The following DAB1 variants were observed in gnomAD, a reference collection of about 807,000 sequenced individuals.
The protein encoded by DAB1 is disabled homolog 1.
A neutral mutation model predicts 64.6 loss-of-function variants in DAB1; 15 were observed. That is an observed-to-expected ratio of 0.23 (90% CI 0.16 to 0.36). The LOEUF is 0.36. Ranked by LOEUF, DAB1 falls within the 10% of genes least tolerant of loss-of-function variation. The pLI, the probability that DAB1 is intolerant of heterozygous loss-of-function variation, is 1.00. For synonymous variants in DAB1, 235 were observed against 251.9 expected (o/e 0.93, Z 0.64); for missense variants, 596 against 706.7 (o/e 0.84, Z 1.78).
intron 3 of DAB1, among the ~76,000 whole-genome samples, chr1:57,140,054 A>G (rs1278305368): frequency 6.6e-6 from 1 of 152,196 alleles, no homozygotes; most frequent in Non-Finnish European, 1.5e-5. Flanking sequence ...CAGTGCCTTC[A>G]GGACACTGAC....
At chr1:57,321,036 G>C (rs747255745) in intron 1 of DAB1, among the ~76,000 whole-genome samples, 2 of 152,080 alleles carry the variant, frequency 1.3e-5, no homozygotes, top group African/African-American at 4.8e-5. Flanking sequence ...GCAACCAAAT[G>C]CATTAATTTT....
At chr1:57,314,508 A>T (rs938921235) in intron 1 of DAB1, among the ~76,000 whole-genome samples, 3 of 152,142 alleles carry the variant, frequency 2.0e-5, no homozygotes, top group African/African-American at 7.2e-5. Flanking sequence ...TTGAATGCCA[A>T]TCCCTGCTTA....
At chr1:57,337,698 C>A (rs142347998) in intron 1 of DAB1, among the ~76,000 whole-genome samples, 42 of 152,206 alleles carry the variant, frequency 2.8e-4, no homozygotes, top group African/African-American at 9.9e-4. Context: ...AGAGAGCAAG[C>A]ACTTATGAAT....
At chr1:57,809,161 T>G (rs1651502880) in intron 6 of DAB1, among the ~76,000 whole-genome samples, 1 of 152,196 alleles carries the variant, frequency 6.6e-6, no homozygotes, top group Non-Finnish European at 1.5e-5. Flanking sequence ...CAATTGTATC[T>G]CCAAGTAGAA....
intron 5 of DAB1, among the ~76,000 whole-genome samples, chr1:58,036,614 A>G (rs1263068416): frequency 6.6e-6 from 1 of 152,194 alleles, no homozygotes; most frequent in Non-Finnish European, 1.5e-5. Flanking sequence ...GCAGCCTTCT[A>G]CTAATTTTTT....
chr1:58,319,233 A>T (rs934473643), intron 4 of DAB1, among the ~76,000 whole-genome samples: 1 of 152,100 alleles, frequency 6.6e-6, no homozygotes, highest in Non-Finnish European at 1.5e-5. Context: ...AAAATTTGCA[A>T]AGGCTCCACA....
intron 6 of DAB1, among the ~76,000 whole-genome samples, chr1:57,804,347 G>T (rs1651265039): frequency 6.6e-6 from 1 of 152,010 alleles, no homozygotes; most frequent in South Asian, 2.1e-4. Context: ...TCACTTCTGG[G>T]AACCACAAGG....
intron 1 of DAB1, among the ~76,000 whole-genome samples, chr1:57,855,008 A>G (rs746471886): frequency 1.4e-4 from 22 of 152,198 alleles, no homozygotes; most frequent in Non-Finnish European, 2.9e-4. Context: ...TTTAACTCAC[A>G]GGAATAAATA....
intron 2 of DAB1, among the ~76,000 whole-genome samples, chr1:57,206,200 G>T (rs531741261): frequency 6.6e-6 from 1 of 152,182 alleles, no homozygotes; most frequent in Non-Finnish European, 1.5e-5. Flanking sequence ...TGTTAGAAAG[G>T]CTTTGGAGGA....
chr1:57,761,854 C>T (rs1047144251), intron 6 of DAB1, among the ~76,000 whole-genome samples: 10 of 152,102 alleles, frequency 6.6e-5, no homozygotes, highest in Non-Finnish European at 1.5e-4. Context: ...GAAATGCCTT[C>T]AAAAAGACTC....
At chr1:57,990,463 A>G (rs540083482) in intron 5 of DAB1, among the ~76,000 whole-genome samples, 119 of 152,340 alleles carry the variant, frequency 7.8e-4, no homozygotes, top group African/African-American at 2.7e-3. Flanking sequence ...AGCGTCTCAC[A>G]TACATACACT....
At chr1:58,210,566 G>T (rs146443000) in intron 4 of DAB1, among the ~76,000 whole-genome samples, 9 of 152,336 alleles carry the variant, frequency 5.9e-5, no homozygotes, top group Non-Finnish European at 1.0e-4. Context: ...TTCATATCCA[G>T]ACAATTCCTA....
chr1:57,261,878 C>T (rs1670208400), intron 2 of DAB1, among the ~76,000 whole-genome samples: 1 of 152,264 alleles, frequency 6.6e-6, no homozygotes, highest in South Asian at 2.1e-4. Flanking sequence ...AATGTCATTG[C>T]TATTATGTAT....
intron 6 of DAB1, among the ~76,000 whole-genome samples, chr1:57,773,344 T>TATAC (rs140405606): frequency 6.8e-6 from 1 of 147,570 alleles, no homozygotes; most frequent in Non-Finnish European, 1.5e-5. Context: ...TTGAGTTGTA[T>TATAC]ACACACACAC....
At chr1:57,267,219 C>A (rs570860049) in intron 2 of DAB1, among the ~76,000 whole-genome samples, 40 of 152,030 alleles carry the variant, frequency 2.6e-4, no homozygotes, top group Non-Finnish European at 4.4e-4. Context: ...CAAGGAATGC[C>A]AGTGGCCACC....
intron 2 of DAB1, among the ~76,000 whole-genome samples, chr1:57,149,818 G>T (rs929851302): frequency 6.6e-6 from 1 of 152,126 alleles, no homozygotes; most frequent in African/African-American, 2.4e-5. Flanking sequence ...TTGAGTAGAT[G>T]TCTTATGGAT....
intron 7 of DAB1, among the ~76,000 whole-genome samples, chr1:57,514,093 A>G (rs1479988946): frequency 6.6e-6 from 1 of 152,190 alleles, no homozygotes; most frequent in Admixed American, 6.5e-5. Context: ...CCCTTCATAG[A>G]CACCTATGTT....
intron 2 of DAB1, among the ~76,000 whole-genome samples, chr1:57,148,530 A>C (rs1025769056): frequency 6.6e-6 from 1 of 152,216 alleles, no homozygotes; most frequent in Non-Finnish European, 1.5e-5. Context: ...CATACAATAT[A>C]AAGGTGTTGG....
chr1:57,031,046 A>G (rs1322692932), intron 9 of DAB1, among the ~76,000 whole-genome samples: 1 of 152,202 alleles, frequency 6.6e-6, no homozygotes, highest in South Asian at 2.1e-4. Context: ...TTTTCTCCTT[A>G]AGCACAACTT....
Sources: gnomAD v4.1 joint callset for allele counts (sites outside exome capture counted in the v4.1 genomes callset) on GRCh38, gnomAD v4.1.1 for gene constraint, MANE v1.5 for transcripts, NCBI Gene and HGNC (gene_info 2026-07-23, HGNC 2026-07-21) for gene names.